The following ANKRD42 variants were observed in gnomAD, a reference collection of about 807,000 sequenced individuals.
ANKRD42 encodes the protein ankyrin repeat domain 42, also known as ankyrin repeat domain-containing protein 42.
Under a neutral mutation model 51.5 loss-of-function variants are expected in ANKRD42, and 43 were observed. The ratio of observed to expected loss-of-function variants is 0.83; its 90% CI spans 0.65 to 1.08. The LOEUF (loss-of-function observed/expected upper bound fraction) is 1.08. Ranked by LOEUF, ANKRD42 falls within the 50% of genes least tolerant of loss-of-function variation. The pLI, the probability that ANKRD42 is intolerant of heterozygous loss-of-function variation, is 0.00. For missense variants in ANKRD42, 608 were observed against 629.3 expected, an observed-to-expected ratio of 0.97 and a Z score of 0.36; for synonymous variants, 203 against 213.0, an observed-to-expected ratio of 0.95 and a Z score of 0.41.
chr11:83,225,170 T>A (rs75922637), intron 6 of ANKRD42, 115 bp downstream of exon 6: 42,602 of 795,016 alleles, frequency 0.054, 1,459 homozygotes, highest in Non-Finnish European at 0.065. Context: ...ATATACGTTA[T>A]ATGTAAAAAT....
chr11:83,236,297 A>T (rs1863219188), intron 7 of ANKRD42, 107 bp from the exon 8 acceptor site: 2 of 730,048 alleles, frequency 2.7e-6, no homozygotes, highest in African/African-American at 3.6e-5. Context: ...AAGGATCAAT[A>T]CTTAACTAAG....
At chr11:83,261,846 A>G (rs564467675), downstream of ANKRD42, 3 of 1,203,684 alleles carry the variant, frequency 2.5e-6, no homozygotes, top group South Asian at 1.3e-5. Context: ...GACAATGTTC[A>G]AAGTAAATCT....
intron 3 of ANKRD42, chr11:83,209,845 C>A: frequency 3.9e-6 from 2 of 515,750 alleles, no homozygotes; most frequent in South Asian, 2.1e-5. Flanking sequence ...GCTCTGTGGA[C>A]CCACAGCCTC....
downstream of ANKRD42, among the ~76,000 whole-genome samples, chr11:83,253,117 T>G (rs1247049153): frequency 1.3e-5 from 2 of 152,228 alleles, no homozygotes; most frequent in East Asian, 3.8e-4. Context: ...GGTTGAACTT[T>G]GATGTGGTCT....
At chr11:83,204,343 A>G (rs1289005684) in intron 2 of ANKRD42, among the ~76,000 whole-genome samples, 1 of 152,252 alleles carries the variant, frequency 6.6e-6, no homozygotes, top group African/African-American at 2.4e-5. Context: ...CATATGTAAG[A>G]AAATGAACCT....
At position 83,248,467 on chromosome 11, in the gene ANKRD42, A is replaced by G. The variant is rs192286256; in HGVS notation, c.*263A>G. 111 of 1,136,094 alleles carry G rather than the reference A, an allele frequency of 9.8e-5. No homozygotes were observed. In the African/African-American group the frequency reaches 1.2e-3, roughly 12 times the overall value. The allele number at this position is 1,136,094 out of a possible 1,614,324, so 70.4% of individuals were successfully genotyped here. On this transcript the variant is annotated 3_prime_UTR_variant, in exon 11 of 11. Transcript: ENST00000533342. Reference sequence around the variant, plus strand: ...GAGAAAATGTTTTCATAAGTAATCAATCAGAATTCTAAGACAGCTAGAGGA... The same window carrying G: ...GAGAAAATGTTTTCATAAGTAATCAGTCAGAATTCTAAGACAGCTAGAGGA...
intron 5 of ANKRD42, chr11:83,214,369 C>T (rs1369985412): frequency 2.1e-6 from 2 of 940,170 alleles, no homozygotes; most frequent in Non-Finnish European, 2.5e-6. Context: ...GTGTGTAATA[C>T]AAGGTAGGGG....
At chr11:83,218,979 G>A (rs1862628979) in intron 5 of ANKRD42, among the ~76,000 whole-genome samples, 2 of 152,226 alleles carry the variant, frequency 1.3e-5, no homozygotes, top group Non-Finnish European at 2.9e-5. Flanking sequence ...CTGTGGCCAG[G>A]CAGTGGTACA....
intron 8 of ANKRD42, among the ~76,000 whole-genome samples, chr11:83,236,904 AAAAT>A (rs1236288541): frequency 2.6e-5 from 4 of 152,246 alleles, no homozygotes; most frequent in Admixed American, 6.5e-5. Flanking sequence ...CTGTGTGATA[AAAAT>A]AAATAGTCAA....
chr11:83,218,590 G>T (rs76812195), intron 5 of ANKRD42, among the ~76,000 whole-genome samples: 6 of 152,186 alleles, frequency 3.9e-5, no homozygotes, highest in South Asian at 2.1e-4. Context: ...TGAGAAGGGG[G>T]CATGCAAGTA....
intron 1 of ANKRD42, among the ~76,000 whole-genome samples, chr11:83,196,132 G>A (rs1050734835): frequency 2.0e-5 from 3 of 152,046 alleles, no homozygotes; most frequent in Non-Finnish European, 4.4e-5. Context: ...GTGAGCCACC[G>A]CGCCCGGCCA....
intron 2 of ANKRD42, among the ~76,000 whole-genome samples, chr11:83,198,955 C>T (rs995769766): frequency 2.6e-5 from 4 of 152,182 alleles, no homozygotes; most frequent in Non-Finnish European, 5.9e-5. Context: ...CTAGATTCTT[C>T]TGAAGGCTTA....
At chr11:83,263,152 T>C (rs191542080), downstream of ANKRD42, among the ~76,000 whole-genome samples, 6 of 152,288 alleles carry the variant, frequency 3.9e-5, no homozygotes, top group East Asian at 3.9e-4. Flanking sequence ...ACTGTGACAC[T>C]TGAAAGACTC....
intron 2 of ANKRD42, among the ~76,000 whole-genome samples, chr11:83,204,832 A>C (rs529746895): frequency 6.6e-6 from 1 of 152,316 alleles, no homozygotes; most frequent in South Asian, 2.1e-4. Context: ...GTAAGAAAAA[A>C]AATTTTAATG....
Position 83,247,100 on chromosome 11 carries a change from G to A in ANKRD42, c.1323-843G>A, listed in dbSNP as rs533413027. ...GCTGTCCACTGCCTCTATACTGTTT[G>A]AAGTGTTTTGAGATGTAGATTTTTT... On this transcript the variant is annotated intron_variant, in intron 10 of 10. Coordinates refer to ENST00000533342, the MANE Select transcript of ANKRD42 (RefSeq NM_001300975.2). 1.5e-4 allele frequency among the ~76,000 whole-genome samples: 23 copies of A among 150,172 alleles called. 1 individual carries two copies. The highest frequency in any genetic ancestry group is 4.9e-4 in the African/African-American group (20 of 41,114).
At chr11:83,223,173 C>G (rs930819382) in intron 5 of ANKRD42, among the ~76,000 whole-genome samples, 1 of 152,104 alleles carries the variant, frequency 6.6e-6, no homozygotes, top group Non-Finnish European at 1.5e-5. Context: ...TCGCTTGAAC[C>G]CAGGAGGTGG....
intron 1 of ANKRD42, among the ~76,000 whole-genome samples, chr11:83,198,134 C>T (rs1429377276): frequency 6.6e-6 from 1 of 152,188 alleles, no homozygotes; most frequent in Admixed American, 6.5e-5. Context: ...CATGTAAGTG[C>T]TTCTACCACT....
chr11:83,208,355 G>A (rs550699280), intron 3 of ANKRD42, among the ~76,000 whole-genome samples: 2 of 150,298 alleles, frequency 1.3e-5, no homozygotes, highest in Non-Finnish European at 2.9e-5. Context: ...TTTTATATAC[G>A]TGTGTGTGTT....
chr11:83,201,144 C>T (rs1861855134), intron 2 of ANKRD42, among the ~76,000 whole-genome samples: 1 of 152,082 alleles, frequency 6.6e-6, no homozygotes, highest in Non-Finnish European at 1.5e-5. Flanking sequence ...TGCTCCGCCT[C>T]CCCTAACCCT....
Sources: gnomAD v4.1 joint callset for allele counts (sites outside exome capture counted in the v4.1 genomes callset) on GRCh38, gnomAD v4.1.1 for gene constraint, MANE v1.5 for transcripts, NCBI Gene and HGNC (gene_info 2026-07-23, HGNC 2026-07-21) for gene names.